The following MVB12B variants were observed in gnomAD, a reference collection of about 807,000 sequenced individuals.
MVB12B encodes multivesicular body subunit 12B, also known as ESCRT-I complex subunit MVB12B.
Under a neutral mutation model 41.6 loss-of-function variants are expected in MVB12B, and 16 were observed. The ratio of observed to expected loss-of-function variants is 0.38; its 90% CI spans 0.26 to 0.58. The LOEUF (loss-of-function observed/expected upper bound fraction) is 0.58, where lower values mean the gene tolerates loss of function less well. MVB12B is among the 20% of genes least tolerant of loss of function. MVB12B has a pLI of 0.62. For synonymous variants in MVB12B, 133 were observed against 139.7 expected (o/e 0.95, Z 0.34); for missense variants, 274 against 380.2 (o/e 0.72, Z 2.32).
chr9:126,351,260 A>G (rs1005049346), intron 2 of MVB12B, among the ~76,000 whole-genome samples: 3 of 152,258 alleles, frequency 2.0e-5, no homozygotes, highest in South Asian at 2.1e-4. Context: ...TGCTGCACTC[A>G]CTATTAGTTC....
intron 2 of MVB12B, among the ~76,000 whole-genome samples, chr9:126,347,267 C>T (rs1243048402): frequency 6.6e-6 from 1 of 152,228 alleles, no homozygotes; most frequent in Non-Finnish European, 1.5e-5. Flanking sequence ...TGCCCCTGCA[C>T]GCTGGGAAGC....
intron 9 of MVB12B, among the ~76,000 whole-genome samples, chr9:126,495,823 G>A (rs893567804): frequency 1.3e-5 from 2 of 152,140 alleles, no homozygotes; most frequent in African/African-American, 4.8e-5. Context: ...TGACTATTGT[G>A]AAACACCGCA....
intron 9 of MVB12B, among the ~76,000 whole-genome samples, chr9:126,485,809 G>A (rs1047683992): frequency 6.6e-6 from 1 of 152,146 alleles, no homozygotes; most frequent in Admixed American, 6.5e-5. Context: ...CTGAAGAAAG[G>A]GAGTTGAGTC....
At chr9:126,441,350 T>G (rs992238799) in intron 7 of MVB12B, among the ~76,000 whole-genome samples, 1 of 152,232 alleles carries the variant, frequency 6.6e-6, no homozygotes, top group African/African-American at 2.4e-5. Context: ...GACTTCTGTT[T>G]GGTGAACCCT....
chr9:126,393,531 A>G (rs759315285), intron 5 of MVB12B, among the ~76,000 whole-genome samples: 21 of 152,364 alleles, frequency 1.4e-4, no homozygotes, highest in Non-Finnish European at 1.8e-4. Flanking sequence ...GTTTTCTGGA[A>G]AATTCTTCCA....
In MVB12B at chr9:126,389,258, A is replaced by G. The variant is rs1405555370; in HGVS notation, c.409+2600A>G. ...CAACATTTCCTGGAGCTTTTCACCC[A>G]GGGAACAGAGGAGCCCAAGCTGGCC... is the stretch of plus-strand genomic sequence containing the variant. On this transcript the variant is annotated intron_variant, in intron 4 of 9. Transcript: ENST00000361171. The surrounding 1 kb of genome is among the most constrained non-coding windows in gnomAD (Gnocchi z 4.4). 6.6e-6 allele frequency among the ~76,000 whole-genome samples: 1 copy of G among 152,198 alleles called. No homozygotes were observed. Among genetic ancestry groups the G allele is most frequent in the East Asian group, 1.9e-4 (1 of 5,162 alleles).
intron 9 of MVB12B, among the ~76,000 whole-genome samples, chr9:126,502,271 C>T (rs1053205597): frequency 6.6e-6 from 1 of 152,070 alleles, no homozygotes. Context: ...CAGCTGCCAG[C>T]CCATTTCTGT....
intron 1 of MVB12B, among the ~76,000 whole-genome samples, chr9:126,331,805 C>G (rs1329036287): frequency 6.6e-6 from 1 of 152,174 alleles, no homozygotes; most frequent in African/African-American, 2.4e-5. Flanking sequence ...GACTTTCCCC[C>G]CTTAGAGCTA....
At chr9:126,482,106 C>T (rs1180149222) in intron 8 of MVB12B, among the ~76,000 whole-genome samples, 2 of 152,256 alleles carry the variant, frequency 1.3e-5, no homozygotes, top group Non-Finnish European at 2.9e-5. Context: ...CTGTGAGGGG[C>T]GGCCACCCTG....
intron 6 of MVB12B, among the ~76,000 whole-genome samples, chr9:126,401,309 C>T (rs543091071): frequency 1.3e-5 from 2 of 152,302 alleles, no homozygotes; most frequent in South Asian, 2.1e-4. Context: ...ACGTGTTGCT[C>T]GCTATTGCAG....
At chr9:126,430,562 A>G (rs973355130) in intron 7 of MVB12B, among the ~76,000 whole-genome samples, 1 of 149,518 alleles carries the variant, frequency 6.7e-6, no homozygotes, top group Non-Finnish European at 1.5e-5. Context: ...TTTAGAGAGA[A>G]TGGAGGCTCC....
chr9:126,442,609 T>A (rs912686136), intron 7 of MVB12B, among the ~76,000 whole-genome samples: 1 of 152,156 alleles, frequency 6.6e-6, no homozygotes, highest in Non-Finnish European at 1.5e-5. Flanking sequence ...AAGTTCCAAT[T>A]TGGTGACCGT....
chr9:126,427,670 T>C (rs946441814), intron 7 of MVB12B, among the ~76,000 whole-genome samples: 3 of 152,218 alleles, frequency 2.0e-5, no homozygotes, highest in African/African-American at 7.2e-5. Flanking sequence ...CTATTAAAAC[T>C]GGCATATAAT....
In MVB12B at chr9:126,480,319, A is replaced by G. The variant is rs1306733631; in HGVS notation, c.758-1050A>G. On this transcript the variant is annotated intron_variant, in intron 7 of 9. Transcript: ENST00000361171. The surrounding 1 kb of genome is among the most constrained non-coding windows in gnomAD (Gnocchi z 4.9). ...CTGGAAAGGCCCCTACCACTGTCCCAGCAGCCGCATGGCTGCCACGTTGGC... is the reference window on the plus strand; with the variant it reads ...CTGGAAAGGCCCCTACCACTGTCCCGGCAGCCGCATGGCTGCCACGTTGGC... 6.6e-6 allele frequency among the ~76,000 whole-genome samples: 1 copy of G among 152,196 alleles called. No individual in the cohort carries two copies. The highest frequency in any genetic ancestry group is 1.5e-5 in the Non-Finnish European group (1 of 68,030).
chr9:126,355,487 G>A (rs544033581), intron 2 of MVB12B, among the ~76,000 whole-genome samples: 2 of 152,318 alleles, frequency 1.3e-5, no homozygotes, highest in East Asian at 1.9e-4. Flanking sequence ...AACATTCAAC[G>A]CTACTTTTCT....
chr9:126,396,545 G>A (rs1013232561), intron 6 of MVB12B: 50 of 985,378 alleles, frequency 5.1e-5, no homozygotes, highest in Non-Finnish European at 5.8e-5. Context: ...GTCACCAGTA[G>A]GTCTTCCTGG....
chr9:126,334,676 C>T (rs1829226965), intron 1 of MVB12B, among the ~76,000 whole-genome samples: 1 of 152,152 alleles, frequency 6.6e-6, no homozygotes, highest in African/African-American at 2.4e-5. Flanking sequence ...CTACAGGGGA[C>T]AATATGGCAC....
rs1350494464 is a variant in MVB12B at position 126,386,914 on chromosome 9, C to T, written c.409+256C>T. Among the ~76,000 whole-genome samples the T allele has an allele frequency of 6.6e-6, 1 of 151,962 alleles. No individual in the cohort carries two copies. Among genetic ancestry groups the T allele is most frequent in the Non-Finnish European group, 1.5e-5 (1 of 68,004 alleles). ...AATGGTGCTCCCTGCTGAATCGGCTCACTGGGGAATGGAATGGTGAAACTA... is the reference window on the plus strand; with the variant it reads ...AATGGTGCTCCCTGCTGAATCGGCTTACTGGGGAATGGAATGGTGAAACTA... On this transcript the variant is annotated intron_variant, in intron 4 of 9. Transcript: ENST00000361171. This position sits in a 1 kb window ranked among gnomAD's most constrained non-coding sequence, Gnocchi z 4.3.
chr9:126,352,789 T>C (rs978064288), intron 2 of MVB12B, among the ~76,000 whole-genome samples: 2 of 152,236 alleles, frequency 1.3e-5, no homozygotes, highest in South Asian at 4.1e-4. Flanking sequence ...TTTAATTTTA[T>C]GTTAATTCAG....
Sources: allele counts gnomAD v4.1 joint callset (sites outside exome capture counted in the v4.1 genomes callset), GRCh38; gene constraint gnomAD v4.1.1; non-coding constraint Gnocchi (gnomAD v3.1); transcripts MANE v1.5; gene names NCBI Gene and HGNC (gene_info 2026-07-23, HGNC 2026-07-21).